Variants in SEC14L2 observed in about 807,000 individuals in gnomAD.
The protein encoded by SEC14L2 is SEC14-like protein 2.
A neutral mutation model predicts 56.9 loss-of-function variants in SEC14L2; 50 were observed. The observed-to-expected ratio is 0.88, with a 90% CI of 0.70 to 1.11. The LOEUF (loss-of-function observed/expected upper bound fraction) is 1.11, where lower values mean the gene tolerates loss of function less well. Among genes scored for constraint, SEC14L2 ranks in the 50% most tolerant of loss-of-function variants. The pLI is 0.00. For missense variants in SEC14L2, 414 were observed against 500.7 expected (o/e 0.83, Z 1.65); for synonymous variants, 179 against 188.5 (o/e 0.95, Z 0.41).
chr22:30,412,604 G>A (rs1194333756), intron 8 of SEC14L2, among the ~76,000 whole-genome samples: 8 of 151,852 alleles, frequency 5.3e-5, no homozygotes, highest in African/African-American at 7.3e-5. Flanking sequence ...TGGGTGGATC[G>A]CTTGAGCCCA....
chr22:30,409,383 G>T, intron 6 of SEC14L2, 43 bp from the exon 7 acceptor site: 1 of 1,611,472 alleles, frequency 6.2e-7, no homozygotes, highest in Non-Finnish European at 8.5e-7. Context: ...AATGGGGGCA[G>T]ATTCTGAGCC....
chr22:30,412,852 A>C (rs1601782240), intron 8 of SEC14L2, among the ~76,000 whole-genome samples: 2 of 150,554 alleles, frequency 1.3e-5, no homozygotes, highest in South Asian at 2.1e-4. Flanking sequence ...AAAAAACAAA[A>C]AAAAAACAAA....
chr22:30,400,964 G>T (rs1933914488), intron 2 of SEC14L2, among the ~76,000 whole-genome samples: 1 of 143,838 alleles, frequency 7.0e-6, no homozygotes, highest in South Asian at 2.2e-4. Flanking sequence ...AGAGACCTAG[G>T]TTTCACGTTG....
chr22:30,407,049 G>A, intron 3 of SEC14L2, 46 bp from the exon 4 acceptor site: 6 of 1,595,558 alleles, frequency 3.8e-6, no homozygotes, highest in Non-Finnish European at 5.2e-6. Context: ...ACCATGCCTG[G>A]CTGTCCATCC....
chr22:30,424,623 A>T lies in SEC14L2; in HGVS notation c.*2216A>T. On this transcript the variant is annotated 3_prime_UTR_variant, in exon 12 of 12. Coordinates refer to ENST00000615189, the MANE Select transcript of SEC14L2 (RefSeq NM_012429.5). ...CGTGCAAAGCGCTTAAGAGCTTGGTATAAGTAAGTGCTCGTCAATGTTGGC... is the reference window on the plus strand; with the variant it reads ...CGTGCAAAGCGCTTAAGAGCTTGGTTTAAGTAAGTGCTCGTCAATGTTGGC... 1 of 446,170 alleles carries T rather than the reference A, an allele frequency of 2.2e-6. No homozygotes were observed. Among genetic ancestry groups the T allele is most frequent in the East Asian group, 7.0e-5 (1 of 14,356 alleles). The allele number at this position is 446,170 out of a possible 1,614,324, so 27.6% of individuals were successfully genotyped here. A position where few individuals can be genotyped will look rare whatever the true frequency, so the allele number is the denominator to read the frequency against.
chr22:30,421,420 G>T (rs1027432865), intron 11 of SEC14L2: 29 of 152,184 alleles, frequency 1.9e-4, no homozygotes, highest in African/African-American at 6.5e-4. Flanking sequence ...AACTTGTTTT[G>T]GCCTCAGGAC....
Position 30,410,577 on chromosome 22 carries a change from T to A in SEC14L2, c.581-19T>A, listed in dbSNP as rs1333802273. The A allele has an allele frequency of 6.2e-7, 1 of 1,612,068 alleles. No individual in the cohort carries two copies. Among genetic ancestry groups the A allele is most frequent in the Admixed American group, 1.7e-5 (1 of 60,024 alleles). On this transcript the variant is annotated intron_variant, in intron 7 of 11. Coordinates refer to ENST00000615189, the MANE Select transcript of SEC14L2 (RefSeq NM_012429.5). ...CTGGGCACTGCTCCCAGCCTCACAT[T>A]ATCTGGTCTCTGTTCCAGCCCCCAA...
At chr22:30,400,496 C>G (rs996537860) in intron 2 of SEC14L2, 2 of 152,284 alleles carry the variant, frequency 1.3e-5, no homozygotes, top group African/African-American at 4.8e-5. Flanking sequence ...TTCCCCTCCT[C>G]TCCTTTCCTG....
At chr22:30,410,964 C>G (rs1192889132) in intron 8 of SEC14L2, among the ~76,000 whole-genome samples, 1 of 152,170 alleles carries the variant, frequency 6.6e-6, no homozygotes. Flanking sequence ...TAACAGGAGA[C>G]AGAAGACCTA....
At position 30,422,599 on chromosome 22, in the gene SEC14L2, A is replaced by G. The variant is rs1462828526; in HGVS notation, c.*192A>G. On this transcript the variant is annotated 3_prime_UTR_variant, in exon 12 of 12. Coordinates refer to ENST00000615189, the MANE Select transcript of SEC14L2 (RefSeq NM_012429.5). ...CTCCGTGTCTATCAAATACCTAAGG[A>G]GTCCCCAGGAGCTGGCTGGCCATCG... 3.3e-6 allele frequency: 2 copies of G among 606,850 alleles called. No individual in the cohort carries two copies. The highest frequency in any genetic ancestry group is 5.6e-6 in the Non-Finnish European group (2 of 360,118). 37.6% of individuals were successfully genotyped at this position (606,850 alleles called of 1,614,324 possible).
intron 1 of SEC14L2, 72 bp downstream of exon 1, chr22:30,397,242 A>C: frequency 1.5e-6 from 2 of 1,340,368 alleles, no homozygotes; most frequent in Non-Finnish European, 2.0e-6. Flanking sequence ...GCGAGAAGGG[A>C]CGGGGCTGGG....
intron 5 of SEC14L2, 148 bp from the exon 6 acceptor site, chr22:30,409,039 T>G: frequency 1.3e-6 from 1 of 755,336 alleles, no homozygotes. Flanking sequence ...TGGCCTGGGG[T>G]GATTATCTCA....
At chr22:30,403,010 T>G (rs1330436679) in intron 2 of SEC14L2, among the ~76,000 whole-genome samples, 1 of 152,130 alleles carries the variant, frequency 6.6e-6, no homozygotes, top group Non-Finnish European at 1.5e-5. Flanking sequence ...TCCAGTAGTT[T>G]GAGACTATAG....
intron 11 of SEC14L2, chr22:30,417,121 T>C (rs1934408772): frequency 1.3e-5 from 2 of 154,392 alleles, no homozygotes; most frequent in Admixed American, 6.4e-5. Flanking sequence ...ATCCATACAA[T>C]GTTAAAGAGA....
intron 2 of SEC14L2, 37 bp from the exon 3 acceptor site, chr22:30,406,305 T>C: frequency 6.2e-7 from 1 of 1,612,052 alleles, no homozygotes; most frequent in Non-Finnish European, 8.5e-7. Context: ...CCAGTCCTGC[T>C]AACCTAACCC....
intron 1 of SEC14L2, 115 bp from the exon 2 acceptor site, chr22:30,399,528 A>AG (rs1933862047): frequency 3.6e-6 from 2 of 556,832 alleles, no homozygotes; most frequent in Non-Finnish European, 5.9e-6. Context: ...AAAAAAAAAA[A>AG]AAAAAAAAAG....
rs568502406 is a variant in SEC14L2, at chr22:30,403,863, T to C, written c.131-2479T>C. ...CTAAAAATACAAAAAATTAGCCGGG[T>C]GCGGTGGCGGGCGCCTGTAGTCCCA... On this transcript the variant is annotated intron_variant, in intron 2 of 11. Transcript: ENST00000615189. 1.6e-3 allele frequency among the ~76,000 whole-genome samples: 240 copies of C among 151,120 alleles called. 1 individual carries two copies. The highest frequency in any genetic ancestry group is 5.3e-3 in the African/African-American group (221 of 41,310).
chr22:30,415,695 G>A (rs1424916078), intron 8 of SEC14L2, 64 bp from the exon 9 acceptor site: 1 of 1,433,526 alleles, frequency 7.0e-7, no homozygotes, highest in African/African-American at 1.4e-5. Flanking sequence ...AGACCACTAG[G>A]GTTATGGCGA....
Position 30,416,342 on chromosome 22 carries a change from G to C in SEC14L2, c.1020G>C (p.Gln340His). Residue 340 changes from glutamine to histidine, a missense_variant, in exon 11 of 12, where the codon CAG becomes CAC. Gln to His is a conservative substitution (Grantham distance 24). Transcript: ENST00000615189. ...AGATGACAGAGGTGCTGCCCAACCAGAGGTACAACTCCCACCTGGTCCCTG... is the reference window on the plus strand; with the variant it reads ...AGATGACAGAGGTGCTGCCCAACCACAGGTACAACTCCCACCTGGTCCCTG... ...AGEMTEVLPNQRYNSHLVPED... is the reference protein window; with the variant it reads ...AGEMTEVLPNHRYNSHLVPED... 1 of 1,614,248 alleles carries C rather than the reference G, an allele frequency of 6.2e-7. No homozygotes were observed. The highest frequency in any genetic ancestry group is 8.5e-7 in the Non-Finnish European group (1 of 1,180,042).
Sources: allele counts gnomAD v4.1 joint callset (sites outside exome capture counted in the v4.1 genomes callset), GRCh38; gene constraint gnomAD v4.1.1; transcripts MANE v1.5; gene names NCBI Gene and HGNC (gene_info 2026-07-23, HGNC 2026-07-21).